Variants in BIN3 observed in about 807,000 individuals in gnomAD.
BIN3 encodes bridging integrator 3.
BIN3 carries 41 observed loss-of-function variants against 38.2 expected under a neutral mutation model. That is an observed-to-expected ratio of 1.07 (90% confidence interval 0.84 to 1.39). The LOEUF (loss-of-function observed/expected upper bound fraction) is 1.39, where lower values mean the gene tolerates loss of function less well. BIN3 is among the 40% of genes most tolerant of loss of function. The pLI, the probability that BIN3 is intolerant of heterozygous loss-of-function variation, is 0.00. For missense variants in BIN3, 361 were observed against 324.3 expected, an observed-to-expected ratio of 1.11 and a Z score of -0.87; for synonymous variants, 145 against 122.6, an observed-to-expected ratio of 1.18 and a Z score of -1.21.
intron 1 of BIN3, among the ~76,000 whole-genome samples, chr8:22,651,176 CT>C (rs1010425928): frequency 1.1e-4 from 17 of 151,704 alleles, no homozygotes; most frequent in Admixed American, 2.0e-4. Flanking sequence ...AACATGCATA[CT>C]TTTTTTTTAA....
chr8:22,637,817 G>A (rs959328292), intron 2 of BIN3, among the ~76,000 whole-genome samples: 2 of 152,150 alleles, frequency 1.3e-5, no homozygotes, highest in Admixed American at 6.5e-5. Context: ...TGCCAGCTTC[G>A]GGCTTCGTGC....
rs1007885835 is a variant in BIN3 at position 22,662,524 on chromosome 8, G to C, written c.8+6520C>G. On this transcript the variant is annotated intron_variant, in intron 1 of 8. Transcript: ENST00000276416. ...TAAGTTCTTATAAAGAACTCAGCCA[G>C]TGTTCTTTACAGCTGCCCCTTCTGT... 3.9e-5 allele frequency among the ~76,000 whole-genome samples: 6 copies of C among 152,318 alleles called. No individual in the cohort carries two copies. The East Asian group carries it at 5.8e-4, about 15-fold the overall frequency.
intron 1 of BIN3, among the ~76,000 whole-genome samples, chr8:22,660,439 A>G (rs1803196691): frequency 6.6e-6 from 1 of 152,210 alleles, no homozygotes; most frequent in Non-Finnish European, 1.5e-5. Context: ...ACCATCTTTA[A>G]TCTCACCTTT....
chr8:22,668,011 G>A (rs947938922), intron 1 of BIN3, among the ~76,000 whole-genome samples: 5 of 152,176 alleles, frequency 3.3e-5, no homozygotes, highest in African/African-American at 1.2e-4. Flanking sequence ...TAGCCTCTGA[G>A]GACAGAGTGG....
At chr8:22,631,163 A>C (rs1802186567) in intron 4 of BIN3, among the ~76,000 whole-genome samples, 1 of 152,144 alleles carries the variant, frequency 6.6e-6, no homozygotes, top group African/African-American at 2.4e-5. Context: ...TTTATTGACA[A>C]AACTAGGTCA....
At chr8:22,666,442 G>C (rs1459459457) in intron 1 of BIN3, among the ~76,000 whole-genome samples, 2 of 152,030 alleles carry the variant, frequency 1.3e-5, no homozygotes, top group African/African-American at 2.4e-5. Context: ...GAGCGAGAGA[G>C]AGAGAAGCAT....
intron 2 of BIN3, among the ~76,000 whole-genome samples, chr8:22,639,287 G>A (rs1441520438): frequency 6.6e-6 from 1 of 151,582 alleles, no homozygotes; most frequent in Non-Finnish European, 1.5e-5. Context: ...GCTGGAATGC[G>A]ATGGTGGCAT....
At chr8:22,656,820 T>C (rs895166479) in intron 1 of BIN3, among the ~76,000 whole-genome samples, 7 of 152,256 alleles carry the variant, frequency 4.6e-5, no homozygotes, top group Admixed American at 3.3e-4. Flanking sequence ...AACCTATTAT[T>C]GTGTTGAACG....
chr8:22,635,765 C>T (rs1361961742), intron 4 of BIN3, among the ~76,000 whole-genome samples: 1 of 152,188 alleles, frequency 6.6e-6, no homozygotes, highest in Non-Finnish European at 1.5e-5. Flanking sequence ...TGGTCAAGTG[C>T]TTGCTGCTCC....
chr8:22,667,968 T>C (rs1351601774), intron 1 of BIN3, among the ~76,000 whole-genome samples: 1 of 152,230 alleles, frequency 6.6e-6, no homozygotes, highest in African/African-American at 2.4e-5. Context: ...CATTCATAAC[T>C]GGTTATCATG....
At chr8:22,654,184 A>G (rs1218805749) in intron 1 of BIN3, among the ~76,000 whole-genome samples, 1 of 152,132 alleles carries the variant, frequency 6.6e-6, no homozygotes, top group Non-Finnish European at 1.5e-5. Flanking sequence ...ACTGCACCCT[A>G]ATTCCCAAAT....
At chr8:22,648,360 C>G (rs530927225) in intron 1 of BIN3, among the ~76,000 whole-genome samples, 1 of 152,210 alleles carries the variant, frequency 6.6e-6, no homozygotes, top group South Asian at 2.1e-4. Flanking sequence ...CCCCACGTCA[C>G]CTTCAGTCAC....
At chr8:22,657,377 C>A (rs1803090171) in intron 1 of BIN3, among the ~76,000 whole-genome samples, 1 of 152,158 alleles carries the variant, frequency 6.6e-6, no homozygotes, top group Non-Finnish European at 1.5e-5. Flanking sequence ...AAACAAAAAA[C>A]CCCAAAAACC....
At chr8:22,652,477 G>A (rs1327750184) in intron 1 of BIN3, among the ~76,000 whole-genome samples, 1 of 152,212 alleles carries the variant, frequency 6.6e-6, no homozygotes. Context: ...GGAAGAGCCT[G>A]CGTGTGCATG....
intron 4 of BIN3, among the ~76,000 whole-genome samples, chr8:22,634,778 G>T (rs1802316641): frequency 1.3e-5 from 2 of 152,188 alleles, no homozygotes; most frequent in South Asian, 2.1e-4. Context: ...TCACCTTCTA[G>T]TTTGGTGGCG....
At chr8:22,668,973 G>A in intron 1 of BIN3, 71 bp downstream of exon 1, 3 of 1,545,130 alleles carry the variant, frequency 1.9e-6, no homozygotes, top group African/African-American at 1.4e-5. Flanking sequence ...CCGGGACGCG[G>A]CACTGACACA....
At chr8:22,646,933 A>C (rs116985363) in intron 1 of BIN3, among the ~76,000 whole-genome samples, 5 of 150,662 alleles carry the variant, frequency 3.3e-5, no homozygotes, top group African/African-American at 1.3e-4. Flanking sequence ...ATTGCAAATG[A>C]GGTCCCAGTG....
chr8:22,633,085 G>A (rs1418329597), intron 4 of BIN3, among the ~76,000 whole-genome samples: 3 of 152,182 alleles, frequency 2.0e-5, no homozygotes, highest in Admixed American at 6.5e-5. Context: ...CTCAGTGGCC[G>A]GCCCTGGGCA....
chr8:22,635,476 TC>T (rs1322745314), intron 4 of BIN3, among the ~76,000 whole-genome samples: 4 of 152,046 alleles, frequency 2.6e-5, no homozygotes. Flanking sequence ...AGACACGGCT[TC>T]CCCACTGGAC....
Sources: allele counts gnomAD v4.1 joint callset (sites outside exome capture counted in the v4.1 genomes callset), GRCh38; gene constraint gnomAD v4.1.1; transcripts MANE v1.5; gene names NCBI Gene and HGNC (gene_info 2026-07-23, HGNC 2026-07-21).